The following DENND1A variants were observed in gnomAD, a reference collection of about 807,000 sequenced individuals.
DENND1A encodes DENN domain-containing protein 1A.
Under a neutral mutation model 113.7 loss-of-function variants are expected in DENND1A, and 51 were observed. The observed-to-expected ratio is 0.45, with a 90% CI of 0.36 to 0.57. DENND1A has a LOEUF of 0.57. Ranked by LOEUF, DENND1A falls within the 20% of genes least tolerant of loss-of-function variation. DENND1A has a pLI of 0.00. For synonymous variants in DENND1A, 565 were observed against 570.8 expected, an observed-to-expected ratio of 0.99 and a Z score of 0.14; for missense variants, 1,258 against 1,395.9, an observed-to-expected ratio of 0.90 and a Z score of 1.57.
chr9:123,571,860 A>G (rs1440878466), intron 12 of DENND1A, among the ~76,000 whole-genome samples: 2 of 152,180 alleles, frequency 1.3e-5, no homozygotes, highest in African/African-American at 2.4e-5. Context: ...GTTTAACTTC[A>G]TGAGATATTG....
At chr9:123,407,252 A>G (rs1322133880) in intron 20 of DENND1A, among the ~76,000 whole-genome samples, 4 of 152,078 alleles carry the variant, frequency 2.6e-5, no homozygotes, top group African/African-American at 9.7e-5. Context: ...GTTGGTCACC[A>G]GCATGGCTGC....
intron 5 of DENND1A, among the ~76,000 whole-genome samples, chr9:123,680,048 C>G (rs1315252577): frequency 6.6e-6 from 1 of 152,190 alleles, no homozygotes; most frequent in African/African-American, 2.4e-5. Context: ...ACACCCACAA[C>G]AGAGTAACAG....
intron 13 of DENND1A, among the ~76,000 whole-genome samples, chr9:123,555,944 G>A (rs756263294): frequency 9.9e-5 from 15 of 152,194 alleles, no homozygotes; most frequent in Non-Finnish European, 1.8e-4. Context: ...CCAAGCAAAG[G>A]ATTGGGCCAG....
intron 3 of DENND1A, among the ~76,000 whole-genome samples, chr9:123,788,461 A>G (rs1045144083): frequency 6.6e-6 from 1 of 152,172 alleles, no homozygotes; most frequent in Non-Finnish European, 1.5e-5. Context: ...CCTTTAATTC[A>G]ATTAGTATTC....
intron 13 of DENND1A, among the ~76,000 whole-genome samples, chr9:123,500,831 G>T (rs1370874783): frequency 6.6e-6 from 1 of 152,186 alleles, no homozygotes; most frequent in African/African-American, 2.4e-5. Flanking sequence ...TCAAGGGCAG[G>T]ATCTAACCAG....
In DENND1A at chr9:123,696,800, G is replaced by C. The variant is rs140751908; in HGVS notation, c.303-20011C>G. Among the ~76,000 whole-genome samples the C allele has an allele frequency of 1.7e-3, 260 of 152,218 alleles. 5 individuals are homozygous for C. In the East Asian group the frequency reaches 0.022, roughly 13 times the overall value. ...AACTCATTAGACAGCGAAGGGGCAG[G>C]GATAGAGCGTGTTCCTTTCTAAATT... is the stretch of plus-strand genomic sequence containing the variant. On this transcript the variant is annotated intron_variant, in intron 5 of 23. Coordinates refer to ENST00000394215, the MANE Select transcript of DENND1A (RefSeq NM_001352964.2).
At chr9:123,603,626 C>T (rs571100783) in intron 11 of DENND1A, among the ~76,000 whole-genome samples, 6 of 152,118 alleles carry the variant, frequency 3.9e-5, no homozygotes, top group East Asian at 3.8e-4. Flanking sequence ...CAGCTGGGGG[C>T]CCCCCAACTG....
chr9:123,902,425 A>G (rs978673501), intron 1 of DENND1A, among the ~76,000 whole-genome samples: 1 of 152,210 alleles, frequency 6.6e-6, no homozygotes, highest in African/African-American at 2.4e-5. Context: ...GCTAGTTACT[A>G]GGAATTCAAC....
intron 10 of DENND1A, among the ~76,000 whole-genome samples, chr9:123,615,264 G>T (rs2060596436): frequency 1.3e-5 from 2 of 152,188 alleles, no homozygotes; most frequent in Admixed American, 1.3e-4. Context: ...CCATTTCACA[G>T]ATGGAAAAAC....
chr9:123,411,023 C>T (rs1183353740), intron 20 of DENND1A, among the ~76,000 whole-genome samples: 1 of 152,086 alleles, frequency 6.6e-6, no homozygotes, highest in Non-Finnish European at 1.5e-5. Context: ...CTCTCTCGCC[C>T]TCCCACCCCA....
chr9:123,623,671 AT>A (rs1371103369), intron 10 of DENND1A, among the ~76,000 whole-genome samples: 1 of 152,254 alleles, frequency 6.6e-6, no homozygotes, highest in Non-Finnish European at 1.5e-5. Context: ...AGATGATTGT[AT>A]GTCGTATTTG....
intron 1 of DENND1A, among the ~76,000 whole-genome samples, chr9:123,896,253 A>C (rs1850741389): frequency 6.6e-6 from 1 of 152,154 alleles, no homozygotes; most frequent in South Asian, 2.1e-4. Flanking sequence ...TCAAGGCTGC[A>C]GTCAGCCAGG....
rs188910439 is a variant in DENND1A, at chr9:123,626,867, C to G, written c.719+3509G>C. Among the ~76,000 whole-genome samples the G allele has an allele frequency of 1.4e-3, 215 of 152,202 alleles. 1 individual carries two copies. Among genetic ancestry groups the G allele is most frequent in the African/African-American group, 4.9e-3 (204 of 41,536 alleles). On this transcript the variant is annotated intron_variant, in intron 10 of 23. Coordinates refer to ENST00000394215, the MANE Select transcript of DENND1A (RefSeq NM_001352964.2). ...GAGTTCTAGATGGGTCCCAGAGAAC[C>G]CTCAGGAGACAGCACCCAGGCCCAG...
chr9:123,899,441 G>A (rs1263030898), intron 1 of DENND1A, among the ~76,000 whole-genome samples: 1 of 152,034 alleles, frequency 6.6e-6, no homozygotes, highest in East Asian at 1.9e-4. Flanking sequence ...TGGAGGTTTG[G>A]AAGCTAGACA....
At chr9:123,435,007 T>C (rs545442592) in intron 19 of DENND1A, among the ~76,000 whole-genome samples, 13 of 152,040 alleles carry the variant, frequency 8.6e-5, no homozygotes, top group Admixed American at 2.0e-4. Flanking sequence ...AAGGAGAGGA[T>C]CTGGGGAGAA....
chr9:123,535,094 C>T (rs1219866839), intron 13 of DENND1A, among the ~76,000 whole-genome samples: 1 of 152,118 alleles, frequency 6.6e-6, no homozygotes, highest in Non-Finnish European at 1.5e-5. Context: ...CAAATCTGAC[C>T]ACTTCTCACC....
At chr9:123,909,917 C>T (rs1853653840) in intron 1 of DENND1A, among the ~76,000 whole-genome samples, 1 of 151,418 alleles carries the variant, frequency 6.6e-6, no homozygotes, top group South Asian at 2.1e-4. Flanking sequence ...ATTTAAAAAG[C>T]AATGCCATTT....
chr9:123,784,105 C>T (rs1831748057), intron 3 of DENND1A, among the ~76,000 whole-genome samples: 1 of 152,070 alleles, frequency 6.6e-6, no homozygotes, highest in African/African-American at 2.4e-5. Flanking sequence ...AGAGGAAAAG[C>T]CAAGCAAGCT....
intron 10 of DENND1A, among the ~76,000 whole-genome samples, chr9:123,613,180 G>T (rs527986257): frequency 6.6e-6 from 1 of 152,280 alleles, no homozygotes; most frequent in Non-Finnish European, 1.5e-5. Flanking sequence ...CTCTCGTCAG[G>T]AGGGTGCCTT....
Sources: gnomAD v4.1 joint callset for allele counts (sites outside exome capture counted in the v4.1 genomes callset) on GRCh38, gnomAD v4.1.1 for gene constraint, MANE v1.5 for transcripts, NCBI Gene and HGNC (gene_info 2026-07-23, HGNC 2026-07-21) for gene names.